The following NFATC1 variants were observed in gnomAD, a reference collection of about 807,000 sequenced individuals.
The protein encoded by NFATC1 is nuclear factor of activated T-cells, cytoplasmic 1.
In NFATC1, 22 loss-of-function variants were observed where a neutral mutation model predicts 76.0. The observed-to-expected ratio is 0.29, with a 90% CI of 0.21 to 0.41. NFATC1 has a LOEUF of 0.41. Among genes scored for constraint, NFATC1 ranks in the 10% least tolerant of loss-of-function variants. The pLI is 1.00. For synonymous variants in NFATC1, 704 were observed against 613.1 expected, an observed-to-expected ratio of 1.15 and a Z score of -2.19; for missense variants, 1,357 against 1,337.7, an observed-to-expected ratio of 1.01 and a Z score of -0.23.
intron 1 of NFATC1, among the ~76,000 whole-genome samples, chr18:79,400,847 G>GACCTCCCCCTCC (rs2085205932): frequency 1.4e-3 from 1 of 702 alleles, no homozygotes; most frequent in African/African-American, 2.8e-3. Flanking sequence ...CCCCCCACCC[G>GACCTCCCCCTCC]CCCCCCGACC....
chr18:79,490,212 G>T (rs2089636376), intron 9 of NFATC1, among the ~76,000 whole-genome samples: 1 of 152,204 alleles, frequency 6.6e-6, no homozygotes, highest in South Asian at 2.1e-4. Context: ...GAGAGTCCTG[G>T]GGGCTGAGGT....
chr18:79,483,497 T>TTCCTGGGGTGTCACTCCGGCGTGACCTGG (rs1569018112), intron 8 of NFATC1, among the ~76,000 whole-genome samples: 3 of 105,024 alleles, frequency 2.9e-5, no homozygotes, highest in Admixed American at 9.5e-5. Flanking sequence ...CGTGACCTGG[T>TTCCTGGGGTGTCACTCCGGCGTGACCTGG]TCCTGGGGTG....
rs1034540796 is a variant in NFATC1, at chr18:79,510,438, A to G, written c.2783-17090A>G. The stretch of plus-strand genomic sequence containing the variant: ...TAATTCACGTTTAAATCACAATTCC[A>G]GGTGAGATGAATGCGGCCCTACCTG... On this transcript the variant is annotated intron_variant, in intron 9 of 9. Coordinates refer to ENST00000427363, the MANE Select transcript of NFATC1 (RefSeq NM_001278669.2). Among the ~76,000 whole-genome samples the G allele has an allele frequency of 3.3e-5, 5 of 152,250 alleles. 1 individual carries two copies. Among genetic ancestry groups the G allele is most frequent in the Admixed American group, 1.3e-4 (2 of 15,288 alleles).
chr18:79,502,196 C>G (rs1027818066), intron 9 of NFATC1, among the ~76,000 whole-genome samples: 3 of 152,200 alleles, frequency 2.0e-5, no homozygotes, highest in Non-Finnish European at 4.4e-5. Context: ...CAAAATAATT[C>G]TTATGTCTGC....
chr18:79,491,538 C>T (rs555444320), intron 9 of NFATC1, among the ~76,000 whole-genome samples: 11 of 152,308 alleles, frequency 7.2e-5, no homozygotes, highest in South Asian at 2.1e-4. Flanking sequence ...ATGGGCCGAT[C>T]GGACACAAGG....
In NFATC1 at chr18:79,505,741, T is replaced by C. The variant is rs1203738117; in HGVS notation, c.2782+18804T>C. Among the ~76,000 whole-genome samples the C allele has an allele frequency of 1.8e-3, 146 of 82,556 alleles. 1 individual carries two copies. The highest frequency in any genetic ancestry group is 5.7e-3 in the Admixed American group (47 of 8,204). 54.2% of individuals were successfully genotyped at this position (82,556 alleles called of 152,430 possible). A position where few individuals can be genotyped will look rare whatever the true frequency, so the allele number is the denominator to read the frequency against. On this transcript the variant is annotated intron_variant, in intron 9 of 9. Coordinates refer to ENST00000427363, the MANE Select transcript of NFATC1 (RefSeq NM_001278669.2). ...TGAGGGAAGAGGCAGGAGACTGCTG[T>C]GTGGGAGGAGGTGGTGGATGAGACC...
intron 3 of NFATC1, among the ~76,000 whole-genome samples, chr18:79,445,528 G>C (rs1393813720): frequency 6.6e-6 from 1 of 152,238 alleles, no homozygotes; most frequent in African/African-American, 2.4e-5. Flanking sequence ...GGATTCCAGG[G>C]CTGAGAAGAG....
At chr18:79,401,804 C>T (rs2085268295) in intron 1 of NFATC1, among the ~76,000 whole-genome samples, 1 of 152,194 alleles carries the variant, frequency 6.6e-6, no homozygotes, top group African/African-American at 2.4e-5. Flanking sequence ...CCCAGTACAC[C>T]CCCGGTCGTT....
chr18:79,404,643 G>A (rs1275272625), intron 1 of NFATC1, among the ~76,000 whole-genome samples: 1 of 152,216 alleles, frequency 6.6e-6, no homozygotes, highest in Non-Finnish European at 1.5e-5. Flanking sequence ...GAAAAATAAC[G>A]TCGTCTGTGA....
intron 1 of NFATC1, among the ~76,000 whole-genome samples, chr18:79,399,741 C>T (rs1015397377): frequency 2.6e-5 from 4 of 151,870 alleles, no homozygotes; most frequent in African/African-American, 9.7e-5. Flanking sequence ...CAGGAGAGGC[C>T]GGTGGGTGCC....
At chr18:79,525,561 C>T (rs375451101) in intron 9 of NFATC1, among the ~76,000 whole-genome samples, 3 of 152,170 alleles carry the variant, frequency 2.0e-5, no homozygotes, top group Admixed American at 6.5e-5. Flanking sequence ...CTCAGGCCTC[C>T]CTCCTGTCCC....
At chr18:79,509,985 G>C (rs2090204987) in intron 9 of NFATC1, among the ~76,000 whole-genome samples, 1 of 152,192 alleles carries the variant, frequency 6.6e-6, no homozygotes, top group Non-Finnish European at 1.5e-5. Context: ...GTTGATCTTT[G>C]GTCCTTTATT....
intron 9 of NFATC1, among the ~76,000 whole-genome samples, chr18:79,490,708 T>C (rs2089653496): frequency 6.6e-6 from 1 of 152,082 alleles, no homozygotes; most frequent in South Asian, 2.1e-4. Flanking sequence ...GATGGAGCCG[T>C]AGATGGGTCG....
intron 1 of NFATC1, 79 bp downstream of exon 1, chr18:79,396,430 C>T (rs1373869277): frequency 2.1e-6 from 2 of 975,392 alleles, no homozygotes; most frequent in Middle Eastern, 4.2e-4. Context: ...CCGCCCCCGT[C>T]GCCCGCACGG....
At chr18:79,514,458 C>T (rs1199497895) in intron 9 of NFATC1, among the ~76,000 whole-genome samples, 2 of 148,704 alleles carry the variant, frequency 1.3e-5, no homozygotes, top group South Asian at 2.1e-4. Context: ...AGGAGCTGCT[C>T]AGGAGGCAGA....
intron 9 of NFATC1, among the ~76,000 whole-genome samples, chr18:79,517,752 C>T (rs996400966): frequency 3.9e-5 from 6 of 152,222 alleles, no homozygotes; most frequent in African/African-American, 1.4e-4. Context: ...CTTGAATAAT[C>T]ATAGCACAAT....
chr18:79,438,760 G>C (rs1369649458), intron 3 of NFATC1, among the ~76,000 whole-genome samples: 2 of 152,216 alleles, frequency 1.3e-5, no homozygotes, highest in African/African-American at 4.8e-5. Context: ...CAGGAGGCCA[G>C]ACTGGCCCCA....
chr18:79,404,993 G>A (rs535115841), intron 1 of NFATC1, among the ~76,000 whole-genome samples: 2 of 152,268 alleles, frequency 1.3e-5, no homozygotes, highest in Non-Finnish European at 1.5e-5. Context: ...TTATTTCTCA[G>A]AGTGAGAGAG....
intron 9 of NFATC1, among the ~76,000 whole-genome samples, chr18:79,513,530 C>T (rs993886140): frequency 2.2e-4 from 33 of 152,362 alleles, no homozygotes; most frequent in African/African-American, 7.5e-4. Flanking sequence ...AAGATTCAAA[C>T]GATAATTCGA....
Sources: allele counts gnomAD v4.1 joint callset (sites outside exome capture counted in the v4.1 genomes callset), GRCh38; gene constraint gnomAD v4.1.1; transcripts MANE v1.5; gene names NCBI Gene and HGNC (gene_info 2026-07-23, HGNC 2026-07-21).